Variants in DLGAP2 observed in about 807,000 individuals in gnomAD.
DLGAP2 encodes DLG associated protein 2.
In DLGAP2, 26 loss-of-function variants were observed where a neutral mutation model predicts 100.3. The observed-to-expected ratio is 0.26, with a 90% CI of 0.19 to 0.36. The LOEUF (loss-of-function observed/expected upper bound fraction) is 0.36, where lower values mean the gene tolerates loss of function less well. DLGAP2 is among the 10% of genes least tolerant of loss of function. DLGAP2 has a pLI of 1.00. For synonymous variants in DLGAP2, 886 were observed against 630.1 expected, an observed-to-expected ratio of 1.41 and a Z score of -6.08; for missense variants, 1,858 against 1,453.2, an observed-to-expected ratio of 1.28 and a Z score of -4.53.
At chr8:1,068,062 C>T (rs997882825) in intron 2 of DLGAP2, among the ~76,000 whole-genome samples, 2 of 152,222 alleles carry the variant, frequency 1.3e-5, no homozygotes, top group African/African-American at 4.8e-5. Context: ...CCACAGTGCA[C>T]AGCCTTTTCA....
In DLGAP2 at chr8:1,258,783, T is replaced by G. The variant is rs534867905; in HGVS notation, c.74-68T>G. ...AGTTGTAGTTTTGTTGTTGCTGATG[T>G]TGAATCTTTTTAACTGCATGGTTGA... On this transcript the variant is annotated intron_variant, in intron 2 of 14. Coordinates refer to ENST00000637795, the MANE Select transcript of DLGAP2 (RefSeq NM_001346810.2). 19 of 1,206,870 alleles carry G rather than the reference T, an allele frequency of 1.6e-5. No individual in the cohort carries two copies. The African/African-American group carries it at 2.2e-4, about 14-fold the overall frequency. The allele number at this position is 1,206,870 out of a possible 1,614,324, so 74.8% of individuals were successfully genotyped here.
chr8:1,181,436 G>C (rs1797385392), intron 2 of DLGAP2, among the ~76,000 whole-genome samples: 1 of 152,170 alleles, frequency 6.6e-6, no homozygotes, highest in African/African-American at 2.4e-5. Context: ...CAGGGCACGT[G>C]ATCTCATTCT....
chr8:778,567 C>A (rs75324816), intron 1 of DLGAP2, among the ~76,000 whole-genome samples: 4 of 152,224 alleles, frequency 2.6e-5, no homozygotes, highest in African/African-American at 9.6e-5. Context: ...TCCTAACGGA[C>A]AGGACCCTCA....
chr8:1,552,991 G>A (rs556827183), intron 5 of DLGAP2, among the ~76,000 whole-genome samples: 3 of 152,276 alleles, frequency 2.0e-5, no homozygotes, highest in South Asian at 2.1e-4. Flanking sequence ...AATGCAGAAC[G>A]GATTCGCCGT....
At chr8:757,655 A>T (rs1342470728) in intron 1 of DLGAP2, among the ~76,000 whole-genome samples, 1 of 152,144 alleles carries the variant, frequency 6.6e-6, no homozygotes, top group Admixed American at 6.5e-5. Flanking sequence ...GAGGGTTGGG[A>T]TCGTACGGGA....
At chr8:1,692,542 G>A (rs546154199) in intron 13 of DLGAP2, among the ~76,000 whole-genome samples, 8 of 152,278 alleles carry the variant, frequency 5.3e-5, no homozygotes, top group Admixed American at 4.6e-4. Context: ...CTGCAGCAGC[G>A]CGGCGTGACA....
At chr8:1,364,502 C>CCGGG (rs770226269) in intron 3 of DLGAP2, among the ~76,000 whole-genome samples, 8 of 141,516 alleles carry the variant, frequency 5.7e-5, no homozygotes, top group African/African-American at 2.2e-4. Flanking sequence ...ATGGGAAGGG[C>CCGGG]GGGGGGGGTG....
intron 2 of DLGAP2, among the ~76,000 whole-genome samples, chr8:1,110,057 G>A (rs1322840077): frequency 7.3e-6 from 1 of 136,958 alleles, no homozygotes; most frequent in Non-Finnish European, 1.6e-5. Context: ...TGCTGGGTCT[G>A]TGATGTGTGC....
At chr8:1,520,328 T>G (rs1243734622) in intron 4 of DLGAP2, among the ~76,000 whole-genome samples, 1 of 152,124 alleles carries the variant, frequency 6.6e-6, no homozygotes. Context: ...AGAAAGTATT[T>G]GGGGAGCAGG....
intron 3 of DLGAP2, among the ~76,000 whole-genome samples, chr8:1,497,735 C>T (rs1435998182): frequency 2.6e-5 from 4 of 152,148 alleles, no homozygotes; most frequent in South Asian, 2.1e-4. Context: ...GGGGTGGGAA[C>T]GTGGTAGAAG....
At chr8:1,496,916 A>G (rs1028042454) in intron 3 of DLGAP2, among the ~76,000 whole-genome samples, 1 of 152,112 alleles carries the variant, frequency 6.6e-6, no homozygotes, top group Non-Finnish European at 1.5e-5. Flanking sequence ...CAGCTCCCCC[A>G]AGATGGTTTA....
Position 755,358 on chromosome 8 carries a change from G to A in DLGAP2, c.18+17533G>A, listed in dbSNP as rs148937711. ...CTCTTGCCTGAGGTCTCAGCTACTCGGGAGATGGGAGGAACACTTGAACAC... is the reference window on the plus strand; with the variant it reads ...CTCTTGCCTGAGGTCTCAGCTACTCAGGAGATGGGAGGAACACTTGAACAC... On this transcript the variant is annotated intron_variant, in intron 1 of 14. Transcript: ENST00000637795. 8.2e-3 allele frequency among the ~76,000 whole-genome samples: 1,241 copies of A among 152,162 alleles called. 12 individuals are homozygous for A. Among genetic ancestry groups the A allele is most frequent in the Non-Finnish European group, 0.013 (900 of 68,014 alleles).
intron 2 of DLGAP2, among the ~76,000 whole-genome samples, chr8:1,125,422 C>T (rs1585083683): frequency 6.6e-6 from 1 of 152,186 alleles, no homozygotes; most frequent in Non-Finnish European, 1.5e-5. Context: ...CCTATGATAG[C>T]GTGATGCTTG....
At chr8:1,137,134 C>T (rs1255647925) in intron 2 of DLGAP2, among the ~76,000 whole-genome samples, 3 of 152,206 alleles carry the variant, frequency 2.0e-5, no homozygotes, top group East Asian at 1.9e-4. Context: ...TCCCAGCTTG[C>T]AGCGTGGCCT....
At chr8:818,421 C>A (rs1474167613) in intron 1 of DLGAP2, among the ~76,000 whole-genome samples, 2 of 152,208 alleles carry the variant, frequency 1.3e-5, no homozygotes, top group African/African-American at 2.4e-5. Context: ...TTCCCTGGAA[C>A]TTTCCCTGAA....
At chr8:742,091 T>C (rs1411673607) in intron 1 of DLGAP2, among the ~76,000 whole-genome samples, 1 of 152,220 alleles carries the variant, frequency 6.6e-6, no homozygotes, top group Non-Finnish European at 1.5e-5. Context: ...AGGAGATTGT[T>C]TCTTTGAACT....
At chr8:796,357 C>G (rs889585017) in intron 1 of DLGAP2, among the ~76,000 whole-genome samples, 2 of 152,228 alleles carry the variant, frequency 1.3e-5, no homozygotes, top group African/African-American at 2.4e-5. Context: ...GTCACGGCCC[C>G]TCCGAGACTC....
chr8:818,619 G>C (rs575121948), intron 1 of DLGAP2, among the ~76,000 whole-genome samples: 2 of 152,298 alleles, frequency 1.3e-5, no homozygotes, highest in East Asian at 3.9e-4. Flanking sequence ...ACATCCGAGT[G>C]GGAGCTGCAA....
At chr8:770,769 G>A (rs1475437973) in intron 1 of DLGAP2, among the ~76,000 whole-genome samples, 3 of 152,156 alleles carry the variant, frequency 2.0e-5, no homozygotes, top group Non-Finnish European at 4.4e-5. Flanking sequence ...AAATCCTGGG[G>A]CAGGCATCAC....
Sources: allele counts gnomAD v4.1 joint callset (sites outside exome capture counted in the v4.1 genomes callset), GRCh38; gene constraint gnomAD v4.1.1; transcripts MANE v1.5; gene names NCBI Gene and HGNC (gene_info 2026-07-23, HGNC 2026-07-21).